THEM4: variants seen among roughly 807,000 people sequenced by gnomAD.
The protein encoded by THEM4 is acyl-coenzyme A thioesterase THEM4.
Under a neutral mutation model 25.0 loss-of-function variants are expected in THEM4, and 22 were observed. That is an observed-to-expected ratio of 0.88 (90% CI 0.63 to 1.26). The LOEUF is 1.26. Ranked by LOEUF, THEM4 falls within the 50% of genes most tolerant of loss-of-function variation. THEM4 has a pLI of 0.00. For missense variants in THEM4, 286 were observed against 300.3 expected (o/e 0.95, Z 0.35); for synonymous variants, 113 against 105.6 (o/e 1.07, Z -0.43).
Position 151,902,715 on chromosome 1 carries a change from G to A in THEM4, c.99+6645C>T, listed in dbSNP as rs941627295. Among the ~76,000 whole-genome samples the A allele has an allele frequency of 3.9e-5, 6 of 152,142 alleles. No homozygotes were observed. The East Asian group carries it at 5.8e-4, about 15-fold the overall frequency. ...AACTAAACTCTATGGAAGCTGAGGC[G>A]TGGTGGCACACCTGCAGTCCCAGAA... On this transcript the variant is annotated intron_variant, in intron 1 of 5. Transcript: ENST00000368814.
At chr1:151,894,907 TTA>T in intron 2 of THEM4, 99 bp downstream of exon 2, 1 of 1,288,280 alleles carries the variant, frequency 7.8e-7, no homozygotes, top group Middle Eastern at 1.9e-4. Flanking sequence ...TAATCCTGCA[TTA>T]TATTCTTTCT....
At chr1:151,879,655 TTTTC>T (rs1354685558) in intron 4 of THEM4, among the ~76,000 whole-genome samples, 1 of 150,324 alleles carries the variant, frequency 6.7e-6, no homozygotes, top group African/African-American at 2.5e-5. Context: ...CTTTCTTTTC[TTTTC>T]TTTTTTTTTT....
At chr1:151,897,076 A>G (rs889638222) in intron 1 of THEM4, among the ~76,000 whole-genome samples, 4 of 152,206 alleles carry the variant, frequency 2.6e-5, no homozygotes, top group Admixed American at 6.5e-5. Context: ...AGGACCTGGA[A>G]GACAAAGTGT....
At chr1:151,882,703 G>A (rs898109375) in intron 4 of THEM4, among the ~76,000 whole-genome samples, 1 of 152,110 alleles carries the variant, frequency 6.6e-6, no homozygotes, top group Non-Finnish European at 1.5e-5. Flanking sequence ...CAATGGAGCT[G>A]GTGACTAATT....
At chr1:151,889,643 T>G (rs1654046876) in intron 2 of THEM4, 1 of 338,980 alleles carries the variant, frequency 3.0e-6, no homozygotes, top group East Asian at 4.7e-5. Context: ...GAATATAGTA[T>G]ATAAACGCTA....
intron 3 of THEM4, among the ~76,000 whole-genome samples, chr1:151,888,954 A>G (rs1654029073): frequency 6.6e-6 from 1 of 152,178 alleles, no homozygotes. Flanking sequence ...CTGTTAACAC[A>G]TTAATGATAT....
Position 151,878,891 on chromosome 1 carries a change from T to TACACAC in THEM4, c.558-1772_558-1767dup, listed in dbSNP as rs55900104. On this transcript the variant is annotated intron_variant, in intron 4 of 5. Coordinates refer to ENST00000368814, the MANE Select transcript of THEM4 (RefSeq NM_053055.5). ...GTTTTATTATATTTGTATATGTCTA[T>TACACAC]ACACACACACACACACACACACACA... Among the ~76,000 whole-genome samples, 42 of 138,638 alleles carry TACACAC rather than the reference T, an allele frequency of 3.0e-4. 2 individuals are homozygous for TACACAC. Among genetic ancestry groups the TACACAC allele is most frequent in the East Asian group, 2.5e-3 (12 of 4,856 alleles). 91.0% of individuals were successfully genotyped at this position (138,638 alleles called of 152,430 possible).
At position 151,877,131 on chromosome 1, in the gene THEM4, G is replaced by T; in HGVS notation, c.558-6C>A. The T allele has an allele frequency of 6.3e-7, 1 of 1,592,248 alleles. No homozygotes were observed. ...CAGAACAAAGAGGGATAGGTCTGCAGAATAAAATGAAAAAGGAAAAAAATC... is the reference window on the plus strand; with the variant it reads ...CAGAACAAAGAGGGATAGGTCTGCATAATAAAATGAAAAAGGAAAAAAATC... On this transcript the variant is annotated splice_polypyrimidine_tract_variant and splice_region_variant and intron_variant, in intron 4 of 5. Transcript: ENST00000368814.
chr1:151,888,829 C>T (rs1194295640), intron 3 of THEM4, among the ~76,000 whole-genome samples: 3 of 149,838 alleles, frequency 2.0e-5, no homozygotes, highest in African/African-American at 7.4e-5. Flanking sequence ...CCTTGTCTCA[C>T]AAAACAAAAC....
intron 1 of THEM4, among the ~76,000 whole-genome samples, chr1:151,906,127 G>A (rs949327904): frequency 2.0e-5 from 3 of 152,258 alleles, no homozygotes; most frequent in African/African-American, 7.2e-5. Context: ...CTTGCAGGAA[G>A]GTGTGGAGGG....
At chr1:151,892,196 G>T (rs1212591694) in intron 2 of THEM4, among the ~76,000 whole-genome samples, 1 of 152,068 alleles carries the variant, frequency 6.6e-6, no homozygotes, top group Non-Finnish European at 1.5e-5. Context: ...AATGAGGGTT[G>T]GATGAAGAAA....
rs1435735698 is a variant in THEM4, at chr1:151,888,368, A to G, written c.462T>C (p.Gly154=). ...LEGPPGFIHG[G]AIATMIDATV... is the part of the protein sequence containing the mutation. ...TAGCATCAATCATGGTTGCAATGGC[A>G]CCTCCATGAATGAATCTAGTTACAA... Residue 154 remains glycine, a synonymous_variant, in exon 4 of 6, where the codon GGT becomes GGC. Transcript: ENST00000368814. 1 of 1,612,756 alleles carries G rather than the reference A, an allele frequency of 6.2e-7. No individual in the cohort carries two copies. Among genetic ancestry groups the G allele is most frequent in the East Asian group, 2.2e-5 (1 of 44,832 alleles).
At chr1:151,892,913 C>G (rs981525594) in intron 2 of THEM4, among the ~76,000 whole-genome samples, 5 of 152,080 alleles carry the variant, frequency 3.3e-5, no homozygotes, top group African/African-American at 9.7e-5. Context: ...GAAGAGCCAG[C>G]CCAAGAAACT....
chr1:151,903,598 G>A lies in THEM4; in HGVS notation c.99+5762C>T, dbSNP rs149190560. ...TTCCTTAGAATCCAGTCCTGATTAT[G>A]TAACTTTTAAAGGACATGAATCTAG... On this transcript the variant is annotated intron_variant, in intron 1 of 5. Transcript: ENST00000368814. Among the ~76,000 whole-genome samples the A allele has an allele frequency of 7.9e-4, 121 of 152,268 alleles. 2 individuals carry two copies. In the South Asian group the frequency reaches 1.0e-2, roughly 13 times the overall value.
At chr1:151,899,584 T>A (rs1654306835) in intron 1 of THEM4, among the ~76,000 whole-genome samples, 1 of 150,348 alleles carries the variant, frequency 6.7e-6, no homozygotes, top group South Asian at 2.1e-4. Flanking sequence ...GAAATGCAAA[T>A]TAACCTAATC....
chr1:151,897,548 C>G (rs528322576), intron 1 of THEM4, among the ~76,000 whole-genome samples: 1 of 152,138 alleles, frequency 6.6e-6, no homozygotes, highest in African/African-American at 2.4e-5. Flanking sequence ...ACCTTGTGAT[C>G]GTTCTTAATT....
At chr1:151,894,854 T>G in intron 2 of THEM4, 154 bp downstream of exon 2, 1 of 852,038 alleles carries the variant, frequency 1.2e-6, no homozygotes, top group Non-Finnish European at 1.9e-6. Flanking sequence ...TCTGCAAAAT[T>G]TATTGTGATT....
At chr1:151,885,499 A>C (rs1162697400) in intron 4 of THEM4, among the ~76,000 whole-genome samples, 2 of 152,216 alleles carry the variant, frequency 1.3e-5, no homozygotes, top group Non-Finnish European at 1.5e-5. Context: ...TAGATCCCTG[A>C]GGTCTAAATC....
At chr1:151,876,451 T>TG (rs1223597249) in intron 5 of THEM4, among the ~76,000 whole-genome samples, 1 of 148,644 alleles carries the variant, frequency 6.7e-6, no homozygotes, top group East Asian at 2.0e-4. Context: ...CTTTGTAAAT[T>TG]TTTTTTTTTT....
Sources: allele counts gnomAD v4.1 joint callset (sites outside exome capture counted in the v4.1 genomes callset), GRCh38; gene constraint gnomAD v4.1.1; transcripts MANE v1.5; gene names NCBI Gene and HGNC (gene_info 2026-07-23, HGNC 2026-07-21).